Variants in COL5A1 observed in about 807,000 individuals in gnomAD.
COL5A1 encodes the protein collagen type V alpha 1 chain, also known as collagen alpha-1(V) chain.
Under a neutral mutation model 263.7 loss-of-function variants are expected in COL5A1, and 16 were observed. That is an observed-to-expected ratio of 0.06 (90% CI 0.04 to 0.09). COL5A1 has a LOEUF of 0.09. Ranked by LOEUF, COL5A1 falls within the 10% of genes least tolerant of loss-of-function variation. The pLI, the probability that COL5A1 is intolerant of heterozygous loss-of-function variation, is 1.00. For missense variants in COL5A1, 2,036 were observed against 2,540.5 expected (o/e 0.80, Z 4.27); for synonymous variants, 1,012 against 1,004.5 (o/e 1.01, Z -0.14).
At chr9:134,666,383 A>G (rs1832356907) in intron 1 of COL5A1, among the ~76,000 whole-genome samples, 1 of 140,764 alleles carries the variant, frequency 7.1e-6, no homozygotes, top group South Asian at 2.2e-4. Flanking sequence ...GCTCAGGCCC[A>G]TGGCCTTCTT....
At chr9:134,756,494 G>A (rs544307551) in intron 16 of COL5A1, among the ~76,000 whole-genome samples, 195 of 152,332 alleles carry the variant, frequency 1.3e-3, no homozygotes, top group African/African-American at 4.2e-3. Context: ...AAGCCCAGGG[G>A]CAGTGGCGTG....
chr9:134,785,459 TGG>T (rs1837421546), intron 30 of COL5A1, among the ~76,000 whole-genome samples: 1 of 152,162 alleles, frequency 6.6e-6, no homozygotes, highest in Admixed American at 6.5e-5. Context: ...CCTGAAGGTG[TGG>T]CAGCCTGGCA....
chr9:134,808,818 C>T, intron 42 of COL5A1: 1 of 337,982 alleles, frequency 3.0e-6, no homozygotes, highest in South Asian at 2.8e-5. Context: ...ATCCTGGTGA[C>T]TGGGCTTGGC....
At chr9:134,710,192 G>A (rs552045428) in intron 4 of COL5A1, among the ~76,000 whole-genome samples, 16 of 152,356 alleles carry the variant, frequency 1.1e-4, no homozygotes, top group South Asian at 8.3e-4. Context: ...AGGCAAAGCC[G>A]GTGCGGCCCG....
chr9:134,716,967 T>A lies in COL5A1; in HGVS notation c.655-10299T>A, dbSNP rs2132611813. 6.6e-6 allele frequency among the ~76,000 whole-genome samples: 1 copy of A among 152,164 alleles called. No homozygotes were observed. The highest frequency in any genetic ancestry group is 2.1e-4 in the South Asian group (1 of 4,834). On this transcript the variant is annotated intron_variant, in intron 4 of 65. Transcript: ENST00000371817. This position sits in a 1 kb window ranked among gnomAD's most constrained non-coding sequence, Gnocchi z 4.5. Reference sequence around the variant, plus strand: ...GAAAATATTTCTCTGACACTCTCGTTAATAGTGTGAAACTCGTTCTCACAG... The same window carrying A: ...GAAAATATTTCTCTGACACTCTCGTAAATAGTGTGAAACTCGTTCTCACAG...
rs1316656628 is a variant in COL5A1, at chr9:134,767,395, G to A, written c.2232+41G>A. On this transcript the variant is annotated intron_variant, in intron 24 of 65. Coordinates refer to ENST00000371817, the MANE Select transcript of COL5A1 (RefSeq NM_000093.5). ...CTGTGTTGCAGGCCACTGCCCGCCT[G>A]CAGGTGGATTCCCTGGCCCCACCCT... 3 of 1,598,630 alleles carry A rather than the reference G, an allele frequency of 1.9e-6. No individual in the cohort carries two copies. The African/African-American group carries it at 4.0e-5, about 21-fold the overall frequency.
At chr9:134,733,190 C>T (rs1834965859) in intron 9 of COL5A1, among the ~76,000 whole-genome samples, 1 of 152,220 alleles carries the variant, frequency 6.6e-6, no homozygotes, top group Non-Finnish European at 1.5e-5. Context: ...CTTGCAGTTC[C>T]CAGAATGTGC....
chr9:134,784,951 G>T (rs776116551), intron 29 of COL5A1, 38 bp from the exon 30 acceptor site: 27 of 1,435,310 alleles, frequency 1.9e-5, no homozygotes, highest in Non-Finnish European at 2.5e-5. Context: ...TGTGTGTGCG[G>T]GGGGTGGTCT....
At chr9:134,738,849 G>A in intron 11 of COL5A1, 41 bp downstream of exon 11, 2 of 1,555,724 alleles carry the variant, frequency 1.3e-6, no homozygotes, top group Non-Finnish European at 8.9e-7. Flanking sequence ...CACAAGGTGT[G>A]GGGCTGCCCA....
chr9:134,750,928 G>A, intron 13 of COL5A1, 46 bp downstream of exon 13: 1 of 1,515,214 alleles, frequency 6.6e-7, no homozygotes, highest in Non-Finnish European at 9.1e-7. Context: ...ACAGAGCCCA[G>A]CCCCAGGGGC....
rs966886982 is a variant in COL5A1, at chr9:134,794,695, CAAT to C, written c.2701-383_2701-381del. Among the ~76,000 whole-genome samples the C allele has an allele frequency of 1.4e-4, 22 of 152,040 alleles. No homozygotes were observed. Reference sequence around the variant, plus strand: ...GGGTTGACTTTCTTCTCTTTTCTTGCAATAATGATTTCCCTCCCTGCTGAGGAC... The same window carrying C: ...GGGTTGACTTTCTTCTCTTTTCTTGCAATGATTTCCCTCCCTGCTGAGGAC... On this transcript the variant is annotated intron_variant, in intron 32 of 65. Transcript: ENST00000371817. The surrounding 1 kb of genome is among the most constrained non-coding windows in gnomAD (Gnocchi z 4.3).
intron 26 of COL5A1, among the ~76,000 whole-genome samples, chr9:134,773,227 C>T (rs149957017): frequency 3.2e-3 from 481 of 152,340 alleles, no homozygotes; most frequent in Middle Eastern, 0.01. Context: ...CAGGTCACGC[C>T]GGTGCCAGGG....
Position 134,681,593 on chromosome 9 carries a change from G to T in COL5A1, c.110-9319G>T, listed in dbSNP as rs1832859277. Among the ~76,000 whole-genome samples, 1 of 152,148 alleles carries T rather than the reference G, an allele frequency of 6.6e-6. No homozygotes were observed. Among genetic ancestry groups the T allele is most frequent in the Non-Finnish European group, 1.5e-5 (1 of 68,024 alleles). On this transcript the variant is annotated intron_variant, in intron 1 of 65. Transcript: ENST00000371817. This position sits in a 1 kb window ranked among gnomAD's most constrained non-coding sequence, Gnocchi z 4.3. ...TGGCTCCAGAGTGGAATAGCGCTTG[G>T]GACTGGGGTGGACTGGGCACTGAGG...
In COL5A1 at chr9:134,841,180, G is replaced by A. The variant is rs1428512249; in HGVS notation, c.5371-977G>A. ...CCTTCCCAGGCCCAGATCCAGCTGC[G>A]ACTGTAAATCCAGTCTGGGTCTGAG... On this transcript the variant is annotated intron_variant, in intron 65 of 65. Transcript: ENST00000371817. The surrounding 1 kb of genome is among the most constrained non-coding windows in gnomAD (Gnocchi z 4.8). Among the ~76,000 whole-genome samples the A allele has an allele frequency of 6.6e-6, 1 of 152,214 alleles. No homozygotes were observed. Among genetic ancestry groups the A allele is most frequent in the Non-Finnish European group, 1.5e-5 (1 of 68,028 alleles).
chr9:134,672,024 A>G (rs1000612811), intron 1 of COL5A1, among the ~76,000 whole-genome samples: 7 of 152,254 alleles, frequency 4.6e-5, no homozygotes, highest in Non-Finnish European at 7.3e-5. Context: ...TGGGAAGTGG[A>G]GACATTCCTG....
intron 3 of COL5A1, 29 bp from the exon 4 acceptor site, chr9:134,701,141 GC>G: frequency 6.2e-7 from 1 of 1,612,878 alleles, no homozygotes. Context: ...TGTGATCCAA[GC>G]CCTGTCTTCA....
Position 134,727,400 on chromosome 9 carries a change from G to A in COL5A1, c.786+3G>A. ...AGGACCCCAATCCAGATGAATATGT[G>A]AGTTAACTCTGGCTGGGATCTTGGG... On this transcript the variant is annotated splice_donor_region_variant and intron_variant, in intron 5 of 65. Transcript: ENST00000371817. 6.2e-7 allele frequency: 1 copy of A among 1,614,096 alleles called. No individual in the cohort carries two copies. The highest frequency in any genetic ancestry group is 8.5e-7 in the Non-Finnish European group (1 of 1,180,006).
chr9:134,685,424 A>ATCTG, intron 1 of COL5A1, among the ~76,000 whole-genome samples: 3 of 1,682 alleles, frequency 1.8e-3, no homozygotes, highest in African/African-American at 8.5e-3. Flanking sequence ...TCATCCATCC[A>ATCTG]TCCATCCATC....
intron 4 of COL5A1, among the ~76,000 whole-genome samples, chr9:134,710,795 C>T (rs1452372369): frequency 1.7e-4 from 10 of 57,304 alleles, no homozygotes; most frequent in Non-Finnish European, 2.8e-4. Flanking sequence ...GGGGCCCCGT[C>T]TGTTGGGTGC....
Sources: gnomAD v4.1 joint callset for allele counts (sites outside exome capture counted in the v4.1 genomes callset) on GRCh38, gnomAD v4.1.1 for gene constraint, Gnocchi (gnomAD v3.1) non-coding constraint, MANE v1.5 for transcripts, NCBI Gene and HGNC (gene_info 2026-07-23, HGNC 2026-07-21) for gene names.